Variants in OARD1 observed in about 807,000 individuals in gnomAD.
The protein encoded by OARD1 is O-acyl-ADP-ribose deacylase 1, also known as ADP-ribose glycohydrolase OARD1.
A neutral mutation model predicts 19.7 loss-of-function variants in OARD1; 19 were observed. That is an observed-to-expected ratio of 0.96 (90% CI 0.67 to 1.41). OARD1 has a LOEUF of 1.41. Ranked by LOEUF, OARD1 falls within the 40% of genes most tolerant of loss-of-function variation. OARD1 has a pLI of 0.00. For missense variants in OARD1, 190 were observed against 183.8 expected (o/e 1.03, Z -0.20); for synonymous variants, 70 against 61.8 (o/e 1.13, Z -0.62).
At chr6:41,073,807 G>T (rs1048698605), upstream of OARD1, among the ~76,000 whole-genome samples, 1 of 151,968 alleles carries the variant, frequency 6.6e-6, no homozygotes, top group Non-Finnish European at 1.5e-5. Flanking sequence ...AGCCCGCTCC[G>T]CCCGGGTCTC....
At chr6:41,082,546 TA>T (rs1274399444) in intron 1 of OARD1, among the ~76,000 whole-genome samples, 1 of 152,212 alleles carries the variant, frequency 6.6e-6, no homozygotes, top group Non-Finnish European at 1.5e-5. Context: ...AGATGATGAA[TA>T]GATAGAAAAT....
chr6:41,093,100 G>C, intron 1 of OARD1: 1 of 1,611,012 alleles, frequency 6.2e-7, no homozygotes. Flanking sequence ...GTATAACATT[G>C]GGAAGGATAT....
chr6:41,064,931 T>G lies in OARD1; in HGVS notation c.*2404A>C, dbSNP rs903790316. ...CTCTCTTTTTTTTTTTTTAAAGGTT[T>G]GTTTGAGTCCTATGTGGAAGCAAAA... is the stretch of plus-strand genomic sequence containing the variant. On this transcript the variant is annotated 3_prime_UTR_variant, in exon 6 of 6. Transcript: ENST00000424266. 6.6e-6 allele frequency: 1 copy of G among 152,104 alleles called. No homozygotes were observed. The highest frequency in any genetic ancestry group is 1.5e-5 in the Non-Finnish European group (1 of 68,022). 9.4% of individuals were successfully genotyped at this position (152,104 alleles called of 1,614,324 possible).
intron 1 of OARD1, among the ~76,000 whole-genome samples, chr6:41,093,720 C>T (rs1764262374): frequency 1.3e-5 from 2 of 152,212 alleles, no homozygotes; most frequent in Non-Finnish European, 2.9e-5. Context: ...ATCCACCTGC[C>T]TGGGCCTCCC....
Position 41,071,658 on chromosome 6 carries a change from ATTTAAGTGTTTC to A in OARD1, c.-36_-25del. The A allele has an allele frequency of 1.9e-6, 3 of 1,607,768 alleles. No homozygotes were observed. The highest frequency in any genetic ancestry group is 2.6e-6 in the Non-Finnish European group (3 of 1,174,190). On this transcript the variant is annotated 5_prime_UTR_variant, in exon 2 of 6. Coordinates refer to ENST00000424266, the MANE Select transcript of OARD1 (RefSeq NM_001329686.2). ...ATGATACTGAGTCGCTATTTCCAGA[ATTTAAGTGTTTC>A]TTCAGCTATGAGAAGGGAAAAGGAA...
intron 1 of OARD1, among the ~76,000 whole-genome samples, chr6:41,090,001 C>T (rs1183570323): frequency 6.6e-6 from 1 of 152,116 alleles, no homozygotes; most frequent in Admixed American, 6.5e-5. Flanking sequence ...ATCCCAGCTA[C>T]TCGGGAGGCT....
chr6:41,084,683 C>T (rs1763994004), intron 1 of OARD1, among the ~76,000 whole-genome samples: 1 of 152,194 alleles, frequency 6.6e-6, no homozygotes, highest in Non-Finnish European at 1.5e-5. Context: ...TAAAGGAAGG[C>T]CAGGCGCAGT....
chr6:41,092,475 A>G (rs1177583604), intron 1 of OARD1, among the ~76,000 whole-genome samples: 1 of 152,232 alleles, frequency 6.6e-6, no homozygotes, highest in East Asian at 1.9e-4. Flanking sequence ...GTTTTTACCT[A>G]CATTTAGTAC....
At position 41,066,090 on chromosome 6, in the gene OARD1, G is replaced by A. The variant is rs1430507044; in HGVS notation, c.*1245C>T. ...CTGCACATCCAAATCTTCTATGGAG[G>A]TTAAAAACACAAAAGTGGCCATCCC... On this transcript the variant is annotated 3_prime_UTR_variant, in exon 6 of 6. Transcript: ENST00000424266. 6.6e-6 allele frequency: 1 copy of A among 152,162 alleles called. No homozygotes were observed. Among genetic ancestry groups the A allele is most frequent in the African/African-American group, 2.4e-5 (1 of 41,420 alleles). The allele number at this position is 152,162 out of a possible 1,614,324, so 9.4% of individuals were successfully genotyped here. A position where few individuals can be genotyped will look rare whatever the true frequency, so the allele number is the denominator to read the frequency against.
chr6:41,087,316 A>G (rs746144149), intron 1 of OARD1, among the ~76,000 whole-genome samples: 22 of 152,238 alleles, frequency 1.4e-4, no homozygotes, highest in Non-Finnish European at 2.2e-4. Context: ...GGATCCATGA[A>G]TGTCTCTAAG....
chr6:41,068,924 T>G lies in OARD1; in HGVS notation c.273A>C (p.Pro91=), dbSNP rs746880120. ...LITKKRASHK[P]TYENLQKSLE... ...AACTCTTCTGTAAGTTTTCATAAGTTGGCTTGTGCGAAGCCCTTTTCTTTG... is the reference window on the plus strand; with the variant it reads ...AACTCTTCTGTAAGTTTTCATAAGTGGGCTTGTGCGAAGCCCTTTTCTTTG... The change falls in exon 5 of 6, where the codon CCA becomes CCC. Residue 91 remains proline, a synonymous_variant. Transcript: ENST00000424266. The G allele has an allele frequency of 6.2e-7, 1 of 1,609,542 alleles. No individual in the cohort carries two copies. The highest frequency in any genetic ancestry group is 8.5e-7 in the Non-Finnish European group (1 of 1,177,490).
At chr6:41,071,544 C>T (rs369741906) in intron 2 of OARD1, 52 bp downstream of exon 2, 7 of 1,418,500 alleles carry the variant, frequency 4.9e-6, no homozygotes, top group Non-Finnish European at 7.0e-6. Flanking sequence ...ATGCTTTTGA[C>T]CTCCATTATT....
intron 3 of OARD1, among the ~76,000 whole-genome samples, chr6:41,070,501 A>G (rs761031076): frequency 3.3e-5 from 5 of 152,242 alleles, no homozygotes; most frequent in Non-Finnish European, 7.3e-5. Flanking sequence ...ATCTTTTTAC[A>G]TACAAAGAGC....
chr6:41,078,525 C>T (rs1324838183), intron 1 of OARD1, among the ~76,000 whole-genome samples: 2 of 152,280 alleles, frequency 1.3e-5, no homozygotes, highest in South Asian at 2.1e-4. Context: ...TAAAGGTTCT[C>T]AGATATCATT....
Position 41,072,303 on chromosome 6 carries a change from C to T in OARD1, c.-109G>A, listed in dbSNP as rs1394017094. On this transcript the variant is annotated 5_prime_UTR_variant, in exon 1 of 6. Transcript: ENST00000424266. ...ATGGGAGGGTGCGGGGAGGCTCGCT[C>T]AAAGCCCCAACGTACCCAAGTCACC... The T allele has an allele frequency of 6.6e-6, 1 of 152,410 alleles. No individual in the cohort carries two copies. The highest frequency in any genetic ancestry group is 1.5e-5 in the Non-Finnish European group (1 of 68,176). 9.4% of individuals were successfully genotyped at this position (152,410 alleles called of 1,614,324 possible). A position where few individuals can be genotyped will look rare whatever the true frequency, so the allele number is the denominator to read the frequency against.
chr6:41,094,795 C>G (rs529003693), intron 1 of OARD1, among the ~76,000 whole-genome samples: 6 of 152,262 alleles, frequency 3.9e-5, no homozygotes, highest in African/African-American at 1.4e-4. Context: ...AAAAACTAGC[C>G]AGGCCTGGTG....
At chr6:41,076,031 A>G (rs1402316796), upstream of OARD1, among the ~76,000 whole-genome samples, 1 of 152,216 alleles carries the variant, frequency 6.6e-6, no homozygotes, top group East Asian at 1.9e-4. Context: ...CTAGTCTTTC[A>G]TCAAGCGTCT....
intron 5 of OARD1, 55 bp from the exon 6 acceptor site, chr6:41,067,492 T>G: frequency 8.2e-7 from 1 of 1,213,030 alleles, no homozygotes. Context: ...AGGAAACTGC[T>G]CCTCTCTTTT....
chr6:41,085,774 A>G (rs960064759), intron 1 of OARD1, among the ~76,000 whole-genome samples: 2 of 151,212 alleles, frequency 1.3e-5, no homozygotes, highest in Admixed American at 6.6e-5. Flanking sequence ...TAATTCTTTC[A>G]TAATGTTCAG....
Sources: gnomAD v4.1 joint callset for allele counts (sites outside exome capture counted in the v4.1 genomes callset) on GRCh38, gnomAD v4.1.1 for gene constraint, MANE v1.5 for transcripts, NCBI Gene and HGNC (gene_info 2026-07-23, HGNC 2026-07-21) for gene names.